DLC1: variants seen among roughly 807,000 people sequenced by gnomAD.
DLC1 encodes the protein DLC1 Rho GTPase activating protein, also known as rho GTPase-activating protein 7.
A neutral mutation model predicts 140.3 loss-of-function variants in DLC1; 54 were observed. The ratio of observed to expected loss-of-function variants is 0.38; its 90% confidence interval spans 0.31 to 0.48. DLC1 has a LOEUF of 0.48. Ranked by LOEUF, DLC1 falls within the 20% of genes least tolerant of loss-of-function variation. The pLI is 0.96. For missense variants in DLC1, 2,536 were observed against 1,907.0 expected (o/e 1.33, Z -6.14); for synonymous variants, 986 against 728.1 (o/e 1.35, Z -5.70).
intron 4 of DLC1, among the ~76,000 whole-genome samples, chr8:13,319,475 G>GCA (rs527612643): frequency 9.1e-6 from 1 of 109,764 alleles, no homozygotes; most frequent in East Asian, 3.4e-4. Flanking sequence ...CTGGCGGGGC[G>GCA]GGGGGGGGGG....
At chr8:13,175,700 A>T (rs1466695076) in intron 5 of DLC1, among the ~76,000 whole-genome samples, 1 of 152,250 alleles carries the variant, frequency 6.6e-6, no homozygotes, top group African/African-American at 2.4e-5. Context: ...GACTTGAGTC[A>T]GATTTTACCA....
At chr8:13,416,221 A>G (rs1442666735) in intron 2 of DLC1, among the ~76,000 whole-genome samples, 1 of 152,118 alleles carries the variant, frequency 6.6e-6, no homozygotes, top group African/African-American at 2.4e-5. Context: ...TGTGTATAAA[A>G]TTTGCTCATA....
At chr8:13,324,579 A>AAAAAC in intron 4 of DLC1, among the ~76,000 whole-genome samples, 1 of 151,834 alleles carries the variant, frequency 6.6e-6, no homozygotes, top group Non-Finnish European at 1.5e-5. Flanking sequence ...TCTCAAAAAA[A>AAAAAC]AAAAAAAAAA....
intron 5 of DLC1, among the ~76,000 whole-genome samples, chr8:13,132,429 T>C (rs956772691): frequency 2.6e-5 from 4 of 151,248 alleles, no homozygotes; most frequent in African/African-American, 7.3e-5. Flanking sequence ...CAGGCAGTGA[T>C]GAAAAAAAAA....
chr8:13,116,160 C>G, intron 5 of DLC1: 1 of 986,310 alleles, frequency 1.0e-6, no homozygotes, highest in East Asian at 1.1e-4. Flanking sequence ...TGTTGTTTCA[C>G]TGTTGCGTGA....
intron 5 of DLC1, among the ~76,000 whole-genome samples, chr8:13,228,642 A>G (rs1828907479): frequency 6.6e-6 from 1 of 152,130 alleles, no homozygotes; most frequent in South Asian, 2.1e-4. Flanking sequence ...CCCAGCTACT[A>G]GGGAGGCTGA....
intron 5 of DLC1, among the ~76,000 whole-genome samples, chr8:13,131,471 A>G (rs1386934528): frequency 6.6e-6 from 1 of 152,226 alleles, no homozygotes; most frequent in Non-Finnish European, 1.5e-5. Flanking sequence ...AATCGCCGAA[A>G]CAACCTCTGA....
chr8:13,275,692 A>G (rs1459885536), intron 5 of DLC1, among the ~76,000 whole-genome samples: 1 of 152,154 alleles, frequency 6.6e-6, no homozygotes, highest in Non-Finnish European at 1.5e-5. Flanking sequence ...TATTTGCTTT[A>G]TTATATTTCA....
chr8:13,153,293 G>A (rs569054799), intron 5 of DLC1, among the ~76,000 whole-genome samples: 4 of 152,222 alleles, frequency 2.6e-5, no homozygotes, highest in Non-Finnish European at 4.4e-5. Context: ...TTAAGGTGGC[G>A]CGTCTGGAGT....
chr8:13,284,907 C>T (rs1219054963), intron 5 of DLC1, among the ~76,000 whole-genome samples: 1 of 152,064 alleles, frequency 6.6e-6, no homozygotes, highest in Non-Finnish European at 1.5e-5. Flanking sequence ...TGGAGATGTA[C>T]CATTTATGCA....
At chr8:13,327,269 G>A (rs1291876238) in intron 4 of DLC1, among the ~76,000 whole-genome samples, 1 of 151,720 alleles carries the variant, frequency 6.6e-6, no homozygotes, top group Non-Finnish European at 1.5e-5. Context: ...CACTGCGCCC[G>A]GCCCCACTTG....
intron 2 of DLC1, among the ~76,000 whole-genome samples, chr8:13,446,942 CAA>C (rs551397614): frequency 1.7e-5 from 2 of 119,880 alleles, no homozygotes; most frequent in African/African-American, 3.0e-5. Context: ...AACTCCATCT[CAA>C]AAAAAAAAAG....
At chr8:13,345,920 G>A (rs567630461) in intron 4 of DLC1, among the ~76,000 whole-genome samples, 44 of 152,208 alleles carry the variant, frequency 2.9e-4, no homozygotes, top group African/African-American at 8.9e-4. Flanking sequence ...TTTTATCTTA[G>A]GGAGGCTCAT....
At chr8:13,260,112 G>T (rs886855343) in intron 5 of DLC1, among the ~76,000 whole-genome samples, 4 of 152,122 alleles carry the variant, frequency 2.6e-5, no homozygotes, top group Non-Finnish European at 4.4e-5. Context: ...GACAGGAATG[G>T]CTAAATAGAA....
intron 5 of DLC1, among the ~76,000 whole-genome samples, chr8:13,168,001 T>C (rs1825218859): frequency 6.6e-6 from 1 of 152,222 alleles, no homozygotes; most frequent in Non-Finnish European, 1.5e-5. Flanking sequence ...TGCATGTTTT[T>C]TTCATTTTCT....
intron 4 of DLC1, among the ~76,000 whole-genome samples, chr8:13,382,733 A>G (rs556009333): frequency 1.3e-5 from 2 of 152,300 alleles, no homozygotes; most frequent in South Asian, 4.1e-4. Context: ...GACCTCAGAA[A>G]TACCTGAGAT....
intron 4 of DLC1, among the ~76,000 whole-genome samples, chr8:13,350,253 C>T (rs1834580722): frequency 6.6e-6 from 1 of 152,096 alleles, no homozygotes; most frequent in Non-Finnish European, 1.5e-5. Context: ...TTTATAACTC[C>T]CTTATCTCGA....
At chr8:13,443,503 C>CA (rs1563350874) in intron 2 of DLC1, among the ~76,000 whole-genome samples, 1 of 151,126 alleles carries the variant, frequency 6.6e-6, no homozygotes, top group Non-Finnish European at 1.5e-5. Flanking sequence ...ACTAAATATA[C>CA]AAAAAATTAG....
At chr8:13,316,440 G>A (rs888649743) in intron 4 of DLC1, among the ~76,000 whole-genome samples, 16 of 151,908 alleles carry the variant, frequency 1.1e-4, no homozygotes, top group African/African-American at 3.9e-4. Flanking sequence ...TGCAATAATG[G>A]TAATTAACTT....
Sources: allele counts gnomAD v4.1 joint callset (sites outside exome capture counted in the v4.1 genomes callset), GRCh38; gene constraint gnomAD v4.1.1; transcripts MANE v1.5; gene names NCBI Gene and HGNC (gene_info 2026-07-23, HGNC 2026-07-21).